RALGAPB: variants seen among roughly 807,000 people sequenced by gnomAD.
RALGAPB encodes ral GTPase-activating protein subunit beta.
RALGAPB carries 25 observed loss-of-function variants against 161.1 expected under a neutral mutation model. The ratio of observed to expected loss-of-function variants is 0.16; its 90% CI spans 0.11 to 0.22. RALGAPB has a LOEUF of 0.22. RALGAPB is among the 10% of genes least tolerant of loss of function. The probability of loss-of-function intolerance (pLI) is 1.00; values close to 1 mark genes in which losing one functional copy is unlikely to be tolerated. For missense variants in RALGAPB, 1,391 were observed against 1,815.2 expected, an observed-to-expected ratio of 0.77 and a Z score of 4.25; for synonymous variants, 629 against 626.1, an observed-to-expected ratio of 1.00 and a Z score of -0.07.
intron 1 of RALGAPB, among the ~76,000 whole-genome samples, chr20:38,480,568 G>C (rs1053321574): frequency 2.0e-5 from 3 of 149,800 alleles, no homozygotes; most frequent in Non-Finnish European, 3.0e-5. Flanking sequence ...TGTATTTTTA[G>C]TAGAGATGGG....
intron 10 of RALGAPB, among the ~76,000 whole-genome samples, chr20:38,522,369 A>G (rs1313597292): frequency 6.6e-6 from 1 of 152,240 alleles, no homozygotes; most frequent in Non-Finnish European, 1.5e-5. Flanking sequence ...GAGTCATTTT[A>G]GAATCCTCTT....
rs565483629 is a variant in RALGAPB, at chr20:38,492,413, T to G, written c.187-517T>G. Among the ~76,000 whole-genome samples, 13 of 152,318 alleles carry G rather than the reference T, an allele frequency of 8.5e-5. No homozygotes were observed. In the South Asian group the frequency reaches 2.5e-3, roughly 29 times the overall value. On this transcript the variant is annotated intron_variant, in intron 2 of 29. Coordinates refer to ENST00000262879, the MANE Select transcript of RALGAPB (RefSeq NM_020336.4). Reference sequence around the variant, plus strand: ...TTTCAGATGTGTTTGTTCTTCATTTTAAGTATTATTATTATTTTTTTTTTT... The same window carrying G: ...TTTCAGATGTGTTTGTTCTTCATTTGAAGTATTATTATTATTTTTTTTTTT...
chr20:38,556,842 A>C (rs2087602381), intron 22 of RALGAPB, among the ~76,000 whole-genome samples: 1 of 152,220 alleles, frequency 6.6e-6, no homozygotes, highest in Non-Finnish European at 1.5e-5. Flanking sequence ...GAAAACTGGA[A>C]AATTTTTTAT....
chr20:38,541,801 A>G (rs2086977675), intron 18 of RALGAPB, among the ~76,000 whole-genome samples: 2 of 152,212 alleles, frequency 1.3e-5, no homozygotes, highest in African/African-American at 4.8e-5. Flanking sequence ...GAGAAAATGA[A>G]TACTTCCAGA....
At chr20:38,502,056 T>C (rs1296023124) in intron 5 of RALGAPB, among the ~76,000 whole-genome samples, 1 of 152,138 alleles carries the variant, frequency 6.6e-6, no homozygotes, top group East Asian at 1.9e-4. Flanking sequence ...ATGTAAACAA[T>C]AGGTAAAGAA....
intron 5 of RALGAPB, among the ~76,000 whole-genome samples, chr20:38,503,949 C>A (rs2085673092): frequency 6.6e-6 from 1 of 152,204 alleles, no homozygotes; most frequent in Admixed American, 6.5e-5. Context: ...AATGGAAAAA[C>A]ATTCCATGTT....
At chr20:38,493,165 AG>A in intron 3 of RALGAPB, 33 bp downstream of exon 3, 1 of 1,514,532 alleles carries the variant, frequency 6.6e-7, no homozygotes, top group Non-Finnish European at 9.1e-7. Flanking sequence ...GCCCATTATC[AG>A]GGTCATAGTA....
intron 5 of RALGAPB, among the ~76,000 whole-genome samples, chr20:38,508,035 A>T (rs1001276127): frequency 7.9e-5 from 12 of 151,680 alleles, no homozygotes; most frequent in African/African-American, 2.7e-4. Context: ...CTTCATGTAA[A>T]ACTATTATAA....
chr20:38,539,893 A>C lies in RALGAPB; in HGVS notation c.2497A>C (p.Ile833Leu). ...ACACTCCAGGGATCTGCACTCCATG[A>C]TAGTGGCAGCTTTTCAGTGTCTCTG... is the stretch of plus-strand genomic sequence containing the variant. The part of the protein sequence containing the change: ...PLHSRDLHSM[I>L]VAAFQCLCVW... Residue 833 changes from isoleucine to leucine, a missense_variant, in exon 17 of 30, where the codon ATA becomes CTA. Physicochemically the swap from Ile to Leu is conservative, Grantham distance 5. Around this residue, in one of 3 missense-constraint regions of RALGAPB, gnomAD observed 946 missense variants for 1,257.2 expected, o/e 0.75. Transcript: ENST00000262879. 6.2e-7 allele frequency: 1 copy of C among 1,614,118 alleles called. No homozygotes were observed. Among genetic ancestry groups the C allele is most frequent in the Non-Finnish European group, 8.5e-7 (1 of 1,179,990 alleles).
At chr20:38,511,970 C>G (rs1369217087) in intron 6 of RALGAPB, among the ~76,000 whole-genome samples, 1 of 152,144 alleles carries the variant, frequency 6.6e-6, no homozygotes, top group Non-Finnish European at 1.5e-5. Flanking sequence ...CCCCCCACCT[C>G]CCGGACGGGG....
At chr20:38,504,639 A>G (rs1003711444) in intron 5 of RALGAPB, among the ~76,000 whole-genome samples, 1 of 152,172 alleles carries the variant, frequency 6.6e-6, no homozygotes, top group African/African-American at 2.4e-5. Context: ...GAGTAAATGG[A>G]AAACCTACAG....
chr20:38,543,808 A>T (rs192625421), intron 18 of RALGAPB, among the ~76,000 whole-genome samples: 2 of 152,186 alleles, frequency 1.3e-5, no homozygotes, highest in Admixed American at 1.3e-4. Context: ...GCCTTTGGTT[A>T]TTCTGCTTCT....
chr20:38,486,955 C>G (rs1404669151), intron 1 of RALGAPB, among the ~76,000 whole-genome samples: 1 of 152,190 alleles, frequency 6.6e-6, no homozygotes, highest in Non-Finnish European at 1.5e-5. Flanking sequence ...AAGGCTGACA[C>G]TTTTGTGGTG....
chr20:38,497,291 G>T, intron 3 of RALGAPB, 62 bp from the exon 4 acceptor site: 2 of 1,506,628 alleles, frequency 1.3e-6, no homozygotes, highest in Non-Finnish European at 1.8e-6. Context: ...TAAGTCACCT[G>T]TCCTGAAGCT....
At chr20:38,474,709 T>C (rs938430884) in intron 1 of RALGAPB, among the ~76,000 whole-genome samples, 13 of 152,212 alleles carry the variant, frequency 8.5e-5, no homozygotes, top group South Asian at 6.2e-4. Flanking sequence ...GTGAAACTTA[T>C]CAGTTATTTT....
At chr20:38,477,822 A>G (rs1046300256) in intron 1 of RALGAPB, among the ~76,000 whole-genome samples, 3 of 152,190 alleles carry the variant, frequency 2.0e-5, no homozygotes, top group Admixed American at 6.5e-5. Context: ...TGAGGAAACT[A>G]TGACAAAGAA....
rs2088470458 is a variant in RALGAPB, at chr20:38,577,230, C to T, written c.*2263C>T. The T allele has an allele frequency of 1.3e-5, 2 of 152,210 alleles. No individual in the cohort carries two copies. Among genetic ancestry groups the T allele is most frequent in the South Asian group, 4.1e-4 (2 of 4,822 alleles). 9.4% of individuals were successfully genotyped at this position (152,210 alleles called of 1,614,324 possible). A position where few individuals can be genotyped will look rare whatever the true frequency, so the allele number is the denominator to read the frequency against. Reference sequence around the variant, plus strand: ...AAGAGGGAGTGGGAAGAACGCTTAGCTCTTTCACTAGTATGGATTTGAGTT... The same window carrying T: ...AAGAGGGAGTGGGAAGAACGCTTAGTTCTTTCACTAGTATGGATTTGAGTT... On this transcript the variant is annotated 3_prime_UTR_variant, in exon 30 of 30. Transcript: ENST00000262879.
chr20:38,513,007 G>A (rs2086010143), intron 6 of RALGAPB, among the ~76,000 whole-genome samples: 1 of 152,056 alleles, frequency 6.6e-6, no homozygotes, highest in Admixed American at 6.5e-5. Context: ...TGATCCGCCT[G>A]CCTCGGCCTC....
In RALGAPB at chr20:38,488,624, T is replaced by A; in HGVS notation, c.186+6T>A. The A allele has an allele frequency of 6.2e-7, 1 of 1,601,240 alleles. No homozygotes were observed. Among genetic ancestry groups the A allele is most frequent in the East Asian group, 2.2e-5 (1 of 44,664 alleles). The stretch of plus-strand genomic sequence containing the variant: ...TGTTAAAAACTGACAAAGAAGTAAG[T>A]GTTTCTAAATTTCATTCTCTTATAT... On this transcript the variant is annotated splice_donor_region_variant and intron_variant, in intron 2 of 29. Coordinates refer to ENST00000262879, the MANE Select transcript of RALGAPB (RefSeq NM_020336.4).
Sources: allele counts gnomAD v4.1 joint callset (sites outside exome capture counted in the v4.1 genomes callset), GRCh38; gene constraint gnomAD v4.1.1; regional missense constraint gnomAD v4.1.1; transcripts MANE v1.5; gene names NCBI Gene and HGNC (gene_info 2026-07-23, HGNC 2026-07-21).